Variants in UBE2V1 observed in about 807,000 individuals in gnomAD.
UBE2V1 encodes ubiquitin conjugating enzyme E2 V1, also known as ubiquitin-conjugating enzyme E2 variant 1.
In UBE2V1, 15 loss-of-function variants were observed where a neutral mutation model predicts 19.6. The observed-to-expected ratio is 0.77, with a 90% confidence interval of 0.51 to 1.18. The LOEUF (loss-of-function observed/expected upper bound fraction) is 1.18. UBE2V1 is among the 50% of genes most tolerant of loss of function. The probability of loss-of-function intolerance (pLI) is 0.00; values close to 1 mark genes in which losing one functional copy is unlikely to be tolerated. For synonymous variants in UBE2V1, 60 were observed against 60.7 expected (o/e 0.99, Z 0.05); for missense variants, 125 against 184.8 (o/e 0.68, Z 1.88).
upstream of UBE2V1, chr20:50,113,226 G>C: frequency 1.0e-6 from 1 of 959,820 alleles, no homozygotes; most frequent in Non-Finnish European, 1.4e-6. Flanking sequence ...CACATACGCC[G>C]CCGCTGACGC....
Position 50,082,758 on chromosome 20 carries a change from T to C in UBE2V1, c.*10A>G. The C allele has an allele frequency of 1.2e-6, 2 of 1,608,812 alleles. No individual in the cohort carries two copies. The highest frequency in any genetic ancestry group is 1.7e-6 in the Non-Finnish European group (2 of 1,179,534). ...GGGGAAGGGGAAGGGCCTGTGGTTT[T>C]TCTTTTTGATTAATTGCTGTAACAC... On this transcript the variant is annotated 3_prime_UTR_variant, in exon 4 of 4. Transcript: ENST00000371674.
At chr20:50,093,571 T>C (rs1185332942) in intron 2 of UBE2V1, among the ~76,000 whole-genome samples, 1 of 152,188 alleles carries the variant, frequency 6.6e-6, no homozygotes, top group Non-Finnish European at 1.5e-5. Context: ...CTTTCGGGCA[T>C]TGCTAGTAGG....
Position 50,082,637 on chromosome 20 carries a change from T to C in UBE2V1, c.*131A>G. 3 of 1,446,118 alleles carry C rather than the reference T, an allele frequency of 2.1e-6. No individual in the cohort carries two copies. The highest frequency in any genetic ancestry group is 2.7e-6 in the Non-Finnish European group (3 of 1,098,040). 89.6% of individuals were successfully genotyped at this position (1,446,118 alleles called of 1,614,324 possible). On this transcript the variant is annotated 3_prime_UTR_variant, in exon 4 of 4. Transcript: ENST00000371674. ...TACAGTATCTTAAGATAAATTTCCT[T>C]TGAATGGGAGCTTCCTTTCCGGTAC...
At chr20:50,084,455 C>G (rs771463009) in intron 2 of UBE2V1, 111 of 909,896 alleles carry the variant, frequency 1.2e-4, no homozygotes, top group Non-Finnish European at 1.8e-4. Context: ...TGGGGGAATA[C>G]AAAGAAGATG....
intron 2 of UBE2V1, among the ~76,000 whole-genome samples, chr20:50,090,340 A>G (rs2147011988): frequency 1.3e-5 from 2 of 152,284 alleles, no homozygotes; most frequent in Middle Eastern, 3.4e-3. Flanking sequence ...ATATCACACA[A>G]TGAAATATTA....
chr20:50,113,111 G>T lies in UBE2V1; in HGVS notation c.18C>A (p.Gly6=). The change falls in exon 1 of 4, where the codon GGC becomes GGA. Residue 6 remains glycine (G), a synonymous_variant. Coordinates refer to ENST00000371674, the MANE Select transcript of UBE2V1 (RefSeq NM_001032288.3). Reference sequence around the variant, plus strand: ...GGGCCCGGCGCCCCCGCTCACCCGAGCCCGTGGTGGCTGCCATCTTGCGTC... The same window carrying T: ...GGGCCCGGCGCCCCCGCTCACCCGATCCCGTGGTGGCTGCCATCTTGCGTC... MAATT[G]SGVKVPRNFR... The T allele has an allele frequency of 7.4e-7, 1 of 1,350,956 alleles. No individual in the cohort carries two copies. The highest frequency in any genetic ancestry group is 2.8e-5 in the Admixed American group (1 of 35,572). 83.7% of individuals were successfully genotyped at this position (1,350,956 alleles called of 1,614,324 possible).
chr20:50,109,841 A>T (rs2080637378), intron 1 of UBE2V1, among the ~76,000 whole-genome samples: 1 of 152,100 alleles, frequency 6.6e-6, no homozygotes, highest in Admixed American at 6.6e-5. Context: ...GGCTGAGCAC[A>T]ATATGAAGCT....
intron 2 of UBE2V1, among the ~76,000 whole-genome samples, chr20:50,090,258 C>T (rs575608568): frequency 6.6e-6 from 1 of 152,260 alleles, no homozygotes; most frequent in South Asian, 2.1e-4. Flanking sequence ...TCTGCACTTC[C>T]ACACTCATTG....
intron 2 of UBE2V1, among the ~76,000 whole-genome samples, chr20:50,087,143 C>T (rs892836346): frequency 6.6e-6 from 1 of 151,846 alleles, no homozygotes; most frequent in Middle Eastern, 3.2e-3. Flanking sequence ...CGCCTGTAAT[C>T]TCGGCATCTG....
intron 1 of UBE2V1, among the ~76,000 whole-genome samples, chr20:50,104,151 G>A (rs1357580368): frequency 1.3e-5 from 2 of 148,286 alleles, no homozygotes; most frequent in Admixed American, 1.3e-4. Context: ...GCGTGGTGGT[G>A]CGCGCCTGTA....
At chr20:50,112,641 A>T (rs2080836384) in intron 1 of UBE2V1, among the ~76,000 whole-genome samples, 1 of 152,022 alleles carries the variant, frequency 6.6e-6, no homozygotes, top group Non-Finnish European at 1.5e-5. Context: ...CGTTTCTTCC[A>T]TCCAGCCTGA....
intron 2 of UBE2V1, among the ~76,000 whole-genome samples, chr20:50,091,055 AT>A (rs1317787525): frequency 6.6e-6 from 1 of 151,454 alleles, no homozygotes; most frequent in Non-Finnish European, 1.5e-5. Context: ...TGGAAAAAAA[AT>A]TTTTTTTGAG....
intron 1 of UBE2V1, among the ~76,000 whole-genome samples, chr20:50,101,264 G>A (rs2079967274): frequency 6.6e-6 from 1 of 152,086 alleles, no homozygotes; most frequent in South Asian, 2.1e-4. Context: ...TATCTGTATT[G>A]CAACTAGGAG....
At chr20:50,083,414 C>G (rs1426906394) in intron 3 of UBE2V1, among the ~76,000 whole-genome samples, 1 of 152,250 alleles carries the variant, frequency 6.6e-6, no homozygotes, top group Non-Finnish European at 1.5e-5. Context: ...AGGTTGAGCT[C>G]TGGGCTCAGG....
rs184058105 is a variant in UBE2V1 at position 50,111,648 on chromosome 20, T to C, written c.22+1459A>G. ...TGTTTTAAACTCAAAAGGCAGCAGC[T>C]TGTGGTGGGTCACTTCAGTCAGATC... On this transcript the variant is annotated intron_variant, in intron 1 of 3. Coordinates refer to ENST00000371674, the MANE Select transcript of UBE2V1 (RefSeq NM_001032288.3). 4.7e-4 allele frequency: 451 copies of C among 957,896 alleles called. 14 individuals carry two copies. The Admixed American group carries it at 0.027, about 57-fold the overall frequency. The allele number at this position is 957,896 out of a possible 1,614,324, so 59.3% of individuals were successfully genotyped here.
At chr20:50,090,989 GAC>G (rs2079183679) in intron 2 of UBE2V1, among the ~76,000 whole-genome samples, 1 of 152,138 alleles carries the variant, frequency 6.6e-6, no homozygotes, top group African/African-American at 2.4e-5. Context: ...TTTCCTGACT[GAC>G]ACAGAGTTAA....
chr20:50,083,930 G>GT (rs2146947619), intron 3 of UBE2V1, 199 bp downstream of exon 3: 2 of 695,202 alleles, frequency 2.9e-6, no homozygotes, highest in African/African-American at 1.8e-5. Context: ...CTAGCCCAGG[G>GT]TAAGTGCTAT....
chr20:50,090,977 CT>C (rs1279167639), intron 2 of UBE2V1, among the ~76,000 whole-genome samples: 1 of 152,166 alleles, frequency 6.6e-6, no homozygotes, highest in Non-Finnish European at 1.5e-5. Context: ...TATGATTTCT[CT>C]TTTCCTGACT....
At chr20:50,098,763 TAATGGTAAAAGTTTCCTTTAAA>T in intron 1 of UBE2V1, 1 of 246,836 alleles carries the variant, frequency 4.1e-6, no homozygotes, top group Non-Finnish European at 6.5e-6. Context: ...CCATTTATAA[TAATGGTAAAAGTTTCCTTTAAA>T]ATAAATGTAA....
Sources: allele counts gnomAD v4.1 joint callset (sites outside exome capture counted in the v4.1 genomes callset), GRCh38; gene constraint gnomAD v4.1.1; transcripts MANE v1.5; gene names NCBI Gene and HGNC (gene_info 2026-07-23, HGNC 2026-07-21).